The following PTK2B variants were observed in gnomAD, a reference collection of about 807,000 sequenced individuals.
PTK2B encodes the protein protein tyrosine kinase 2 beta, also known as protein-tyrosine kinase 2-beta.
PTK2B carries 71 observed loss-of-function variants against 142.9 expected under a neutral mutation model. The ratio of observed to expected loss-of-function variants is 0.50; its 90% confidence interval spans 0.41 to 0.61. PTK2B has a LOEUF of 0.61. Among genes scored for constraint, PTK2B ranks in the 20% least tolerant of loss-of-function variants. The pLI is 0.00. For missense variants in PTK2B, 1,105 were observed against 1,320.4 expected, an observed-to-expected ratio of 0.84 and a Z score of 2.53; for synonymous variants, 519 against 503.4, an observed-to-expected ratio of 1.03 and a Z score of -0.42.
At chr8:27,336,773 A>G (rs1404130596) in intron 1 of PTK2B, among the ~76,000 whole-genome samples, 1 of 152,176 alleles carries the variant, frequency 6.6e-6, no homozygotes, top group Non-Finnish European at 1.5e-5. Context: ...TGTGGGCATC[A>G]TAGTCCCTGT....
chr8:27,402,341 G>A (rs930783694), intron 2 of PTK2B, among the ~76,000 whole-genome samples: 6 of 152,180 alleles, frequency 3.9e-5, no homozygotes, highest in African/African-American at 1.2e-4. Context: ...AGAGTGGGGA[G>A]TTCACATGCC....
intron 1 of PTK2B, among the ~76,000 whole-genome samples, chr8:27,397,005 G>A (rs1808090662): frequency 6.6e-6 from 1 of 152,212 alleles, no homozygotes; most frequent in Non-Finnish European, 1.5e-5. Context: ...GCTGAGGATG[G>A]GGGTGGACAG....
In PTK2B at chr8:27,388,279, T is replaced by C. The variant is rs559614462; in HGVS notation, c.-37-9269T>C. On this transcript the variant is annotated intron_variant, in intron 1 of 30. Coordinates refer to ENST00000346049, the MANE Select transcript of PTK2B (RefSeq NM_173176.3). The stretch of plus-strand genomic sequence containing the variant: ...GAGGGGGACATGAGATTTGCAGGAG[T>C]TGGAGGTTGAGAGGGAAGGAAAAAG... Among the ~76,000 whole-genome samples, 12 of 151,796 alleles carry C rather than the reference T, an allele frequency of 7.9e-5. 1 individual carries two copies. In the South Asian group the frequency reaches 2.3e-3, roughly 29 times the overall value.
At chr8:27,378,216 C>T (rs188056754) in intron 1 of PTK2B, among the ~76,000 whole-genome samples, 73 of 152,290 alleles carry the variant, frequency 4.8e-4, no homozygotes, top group Admixed American at 1.3e-4. Flanking sequence ...TTGTAGCTAA[C>T]GAGTTTAGCT....
chr8:27,352,828 G>A (rs1046188648), intron 1 of PTK2B, among the ~76,000 whole-genome samples: 1 of 152,174 alleles, frequency 6.6e-6, no homozygotes, highest in African/African-American at 2.4e-5. Flanking sequence ...GGCTTCCCTA[G>A]CCATGTGGAA....
chr8:27,346,166 T>C (rs1804698504), intron 1 of PTK2B, among the ~76,000 whole-genome samples: 1 of 152,160 alleles, frequency 6.6e-6, no homozygotes, highest in South Asian at 2.1e-4. Flanking sequence ...TGAGCTACAG[T>C]TTTCCATTTG....
At position 27,440,386 on chromosome 8, in the gene PTK2B, T is replaced by C; in HGVS notation, c.1984T>C (p.Trp662Arg). 6.2e-7 allele frequency: 1 copy of C among 1,614,204 alleles called. No homozygotes were observed. The highest frequency in any genetic ancestry group is 8.5e-7 in the Non-Finnish European group (1 of 1,180,030). The change falls in exon 21 of 31, where the codon TGG becomes CGG. Residue 662 changes from tryptophan to arginine, a missense_variant. Coordinates refer to ENST00000346049, the MANE Select transcript of PTK2B (RefSeq NM_173176.3). Reference sequence around the variant, plus strand: ...CCTTTATACCCTCATGACCCGCTGCTGGGACTACGACCCCAGTGACCGGCC... The same window carrying C: ...CCTTTATACCCTCATGACCCGCTGCCGGGACTACGACCCCAGTGACCGGCC... ...PVLYTLMTRCWDYDPSDRPRF... is the reference protein window; with the variant it reads ...PVLYTLMTRCRDYDPSDRPRF...
chr8:27,357,736 G>A (rs1805467832), intron 1 of PTK2B, among the ~76,000 whole-genome samples: 1 of 152,198 alleles, frequency 6.6e-6, no homozygotes, highest in African/African-American at 2.4e-5. Context: ...AACAGAGTAG[G>A]TGCTCTGGCA....
intron 27 of PTK2B, chr8:27,452,634 A>G (rs1372089084): frequency 1.3e-5 from 2 of 158,800 alleles, no homozygotes; most frequent in African/African-American, 4.8e-5. Context: ...GTGGGAGTGA[A>G]TAGCATGTTT....
intron 24 of PTK2B, 28 bp from the exon 25 acceptor site, chr8:27,450,721 C>T (rs1811748719): frequency 1.9e-6 from 3 of 1,613,570 alleles, no homozygotes; most frequent in Middle Eastern, 1.7e-4. Context: ...TCATTGCATC[C>T]TCTCCCTTCT....
chr8:27,352,923 CATT>C (rs1805183072), intron 1 of PTK2B, among the ~76,000 whole-genome samples: 1 of 152,138 alleles, frequency 6.6e-6, no homozygotes. Flanking sequence ...TGGACTAATA[CATT>C]ATTATTCTAA....
chr8:27,371,331 C>T (rs1333359194), intron 1 of PTK2B, among the ~76,000 whole-genome samples: 1 of 152,114 alleles, frequency 6.6e-6, no homozygotes, highest in Admixed American at 6.6e-5. Context: ...TTGTGAATGC[C>T]AAGGTCGGCG....
chr8:27,430,339 G>A lies in PTK2B; in HGVS notation c.615-25G>A, dbSNP rs757225637. 6.8e-6 allele frequency: 11 copies of A among 1,613,970 alleles called. No individual in the cohort carries two copies. The African/African-American group carries it at 1.5e-4, about 22-fold the overall frequency. The stretch of plus-strand genomic sequence containing the variant: ...TGGTGGGGGTGAGGGGGAGTCACAT[G>A]CTGCCTTTTTCTTCCTTCTTGCAGA... On this transcript the variant is annotated intron_variant, in intron 6 of 30. Transcript: ENST00000346049.
intron 1 of PTK2B, among the ~76,000 whole-genome samples, chr8:27,381,431 T>C (rs910225670): frequency 1.3e-5 from 2 of 152,214 alleles, no homozygotes; most frequent in Non-Finnish European, 2.9e-5. Flanking sequence ...TGAGAAAATA[T>C]AGTATTTCTC....
At chr8:27,351,954 C>G (rs1805119689) in intron 1 of PTK2B, among the ~76,000 whole-genome samples, 1 of 152,214 alleles carries the variant, frequency 6.6e-6, no homozygotes, top group Admixed American at 6.5e-5. Context: ...CCCGCAGAAG[C>G]TCCTGTCTAC....
intron 1 of PTK2B, among the ~76,000 whole-genome samples, chr8:27,350,975 CA>C (rs1161040902): frequency 0.023 from 54 of 2,348 alleles, 2 homozygotes; most frequent in East Asian, 0.14. Context: ...GTCTCCGTCT[CA>C]AAAAAAAAAA....
At chr8:27,382,262 G>A (rs1266371526) in intron 1 of PTK2B, among the ~76,000 whole-genome samples, 1 of 152,044 alleles carries the variant, frequency 6.6e-6, no homozygotes, top group East Asian at 1.9e-4. Flanking sequence ...GTCTTCTTTT[G>A]AGAAATGTCC....
At chr8:27,399,764 C>A (rs1276898812) in intron 2 of PTK2B, among the ~76,000 whole-genome samples, 1 of 152,216 alleles carries the variant, frequency 6.6e-6, no homozygotes, top group Non-Finnish European at 1.5e-5. Flanking sequence ...ATGTCTCCTG[C>A]AGGCAAAATG....
intron 13 of PTK2B, among the ~76,000 whole-genome samples, chr8:27,435,464 C>T (rs1379518871): frequency 1.3e-5 from 2 of 152,238 alleles, no homozygotes; most frequent in African/African-American, 4.8e-5. Context: ...ATAGCATCCC[C>T]CAATACTCAT....
Sources: gnomAD v4.1 joint callset for allele counts (sites outside exome capture counted in the v4.1 genomes callset) on GRCh38, gnomAD v4.1.1 for gene constraint, MANE v1.5 for transcripts, NCBI Gene and HGNC (gene_info 2026-07-23, HGNC 2026-07-21) for gene names.